The following RAPGEF4 variants were observed in gnomAD, a reference collection of about 807,000 sequenced individuals.
RAPGEF4 encodes Rap guanine nucleotide exchange factor 4, also known as RAP guanine-nucleotide-exchange factor (GEF) 4.
In RAPGEF4, 66 loss-of-function variants were observed where a neutral mutation model predicts 147.9. That is an observed-to-expected ratio of 0.45 (90% CI 0.37 to 0.55). The LOEUF is 0.55. RAPGEF4 is among the 20% of genes least tolerant of loss of function. The pLI, the probability that RAPGEF4 is intolerant of heterozygous loss-of-function variation, is 0.00. For missense variants in RAPGEF4, 1,071 were observed against 1,257.3 expected (o/e 0.85, Z 2.24); for synonymous variants, 419 against 442.7 (o/e 0.95, Z 0.67).
At chr2:172,930,530 C>A (rs892163037) in intron 6 of RAPGEF4, among the ~76,000 whole-genome samples, 11 of 152,158 alleles carry the variant, frequency 7.2e-5, no homozygotes, top group African/African-American at 2.4e-4. Context: ...GTTTGCCCCC[C>A]TCTTTTGAAT....
intron 1 of RAPGEF4, among the ~76,000 whole-genome samples, chr2:172,750,121 CTCCAAACTATT>C (rs1695136014): frequency 6.6e-6 from 1 of 152,088 alleles, no homozygotes; most frequent in African/African-American, 2.4e-5. Context: ...CTTCTGAGCC[CTCCAAACTATT>C]CCAACTTCTG....
At chr2:172,987,686 C>T (rs1692412801) in intron 12 of RAPGEF4, among the ~76,000 whole-genome samples, 1 of 152,106 alleles carries the variant, frequency 6.6e-6, no homozygotes, top group Admixed American at 6.5e-5. Flanking sequence ...TGTGTGTAGA[C>T]TATATGCAAA....
At chr2:172,805,625 C>T (rs1045429279) in intron 3 of RAPGEF4, among the ~76,000 whole-genome samples, 1 of 152,170 alleles carries the variant, frequency 6.6e-6, no homozygotes, top group African/African-American at 2.4e-5. Flanking sequence ...ACCTGGCTGA[C>T]ATGTTCACGT....
intron 1 of RAPGEF4, among the ~76,000 whole-genome samples, chr2:172,769,685 G>A (rs568105794): frequency 8.5e-5 from 13 of 152,188 alleles, no homozygotes; most frequent in African/African-American, 2.9e-4. Context: ...ACAGAAATAA[G>A]ATATGGAGAA....
intron 1 of RAPGEF4, chr2:172,744,384 A>G (rs754782349): frequency 6.6e-6 from 3 of 456,386 alleles, no homozygotes; most frequent in South Asian, 4.7e-5. Flanking sequence ...TCACATCTTC[A>G]AATGAGATTC....
At chr2:172,788,912 AAAAT>A (rs1300854006) in intron 1 of RAPGEF4, among the ~76,000 whole-genome samples, 1 of 151,936 alleles carries the variant, frequency 6.6e-6, no homozygotes, top group Non-Finnish European at 1.5e-5. Context: ...AAAATAAAAT[AAAAT>A]AAATAAATAA....
intron 4 of RAPGEF4, among the ~76,000 whole-genome samples, chr2:172,879,074 G>A (rs536776840): frequency 3.9e-5 from 6 of 152,152 alleles, no homozygotes; most frequent in Non-Finnish European, 8.8e-5. Context: ...CTTTGGAAAT[G>A]CTTGCACATG....
At chr2:172,842,394 A>G (rs188089392) in intron 4 of RAPGEF4, among the ~76,000 whole-genome samples, 158 of 152,336 alleles carry the variant, frequency 1.0e-3, no homozygotes, top group Non-Finnish European at 1.7e-3. Flanking sequence ...ATTGTTATAT[A>G]ACAGACAATC....
At chr2:172,741,716 G>T (rs189990783) in intron 1 of RAPGEF4, among the ~76,000 whole-genome samples, 55 of 152,334 alleles carry the variant, frequency 3.6e-4, no homozygotes, top group Middle Eastern at 6.8e-3. Flanking sequence ...CTGTCACCCA[G>T]GCTGGAAGGC....
intron 6 of RAPGEF4, among the ~76,000 whole-genome samples, chr2:172,939,042 C>T (rs73030895): frequency 7.5e-4 from 114 of 152,246 alleles, no homozygotes; most frequent in African/African-American, 2.6e-3. Context: ...AAATGTACTA[C>T]GGTTTATTTA....
At chr2:172,771,300 C>T (rs533131061) in intron 1 of RAPGEF4, among the ~76,000 whole-genome samples, 9 of 151,986 alleles carry the variant, frequency 5.9e-5, no homozygotes, top group African/African-American at 2.2e-4. Flanking sequence ...GGTAGTCCCA[C>T]TCATGAGGAC....
At chr2:173,033,321 T>C (rs965669601) in intron 26 of RAPGEF4, among the ~76,000 whole-genome samples, 1 of 152,172 alleles carries the variant, frequency 6.6e-6, no homozygotes, top group Non-Finnish European at 1.5e-5. Flanking sequence ...GGGCCAGTCA[T>C]TGAAACTGTG....
At chr2:172,897,054 G>A (rs1698549621) in intron 4 of RAPGEF4, among the ~76,000 whole-genome samples, 1 of 152,120 alleles carries the variant, frequency 6.6e-6, no homozygotes, top group African/African-American at 2.4e-5. Context: ...CTGGAAAATG[G>A]CTTTCCTGCA....
At chr2:172,753,934 T>C (rs1191119919) in intron 1 of RAPGEF4, among the ~76,000 whole-genome samples, 1 of 151,990 alleles carries the variant, frequency 6.6e-6, no homozygotes, top group Admixed American at 6.6e-5. Context: ...ACACACCAGC[T>C]TCTTTCTGAG....
intron 10 of RAPGEF4, among the ~76,000 whole-genome samples, chr2:172,975,798 C>T (rs912700840): frequency 6.6e-6 from 1 of 152,210 alleles, no homozygotes; most frequent in Non-Finnish European, 1.5e-5. Context: ...TATCTGACTC[C>T]ATCCAAATTT....
chr2:173,043,645 C>T (rs904204337), intron 29 of RAPGEF4, among the ~76,000 whole-genome samples: 20 of 152,216 alleles, frequency 1.3e-4, no homozygotes, highest in African/African-American at 4.6e-4. Flanking sequence ...TAGGCTATGT[C>T]ATGTCTTTAT....
intron 4 of RAPGEF4, among the ~76,000 whole-genome samples, chr2:172,874,280 G>C (rs562492643): frequency 2.0e-5 from 3 of 152,142 alleles, no homozygotes; most frequent in African/African-American, 7.2e-5. Context: ...TTAAGTTCTA[G>C]GATACATGTG....
intron 4 of RAPGEF4, among the ~76,000 whole-genome samples, chr2:172,882,806 T>TATCATC (rs3835839): frequency 0.12 from 17,509 of 151,798 alleles, 1,099 homozygotes; most frequent in South Asian, 0.29. Flanking sequence ...ACATTATCAT[T>TATCATC]ATCATCATCA....
chr2:172,801,521 G>A (rs909536695), intron 3 of RAPGEF4, among the ~76,000 whole-genome samples: 1 of 152,092 alleles, frequency 6.6e-6, no homozygotes, highest in Non-Finnish European at 1.5e-5. Flanking sequence ...GGCAATGGGC[G>A]CCTATGACAG....
Sources: gnomAD v4.1 joint callset for allele counts (sites outside exome capture counted in the v4.1 genomes callset) on GRCh38, gnomAD v4.1.1 for gene constraint, MANE v1.5 for transcripts, NCBI Gene and HGNC (gene_info 2026-07-23, HGNC 2026-07-21) for gene names.